The following PCGF3 variants were observed in gnomAD, a reference collection of about 807,000 sequenced individuals.
PCGF3 encodes the protein polycomb group ring finger 3, also known as polycomb group RING finger protein 3.
Under a neutral mutation model 33.1 loss-of-function variants are expected in PCGF3, and 7 were observed. The observed-to-expected ratio is 0.21, with a 90% CI of 0.12 to 0.40. The LOEUF (loss-of-function observed/expected upper bound fraction) is 0.40. PCGF3 is among the 10% of genes least tolerant of loss of function. The pLI, the probability that PCGF3 is intolerant of heterozygous loss-of-function variation, is 1.00. For missense variants in PCGF3, 211 were observed against 313.3 expected (o/e 0.67, Z 2.46); for synonymous variants, 153 against 121.3 (o/e 1.26, Z -1.72).
intron 9 of PCGF3, among the ~76,000 whole-genome samples, chr4:764,323 G>T (rs188047960): frequency 1.2e-3 from 184 of 152,308 alleles, no homozygotes; most frequent in Non-Finnish European, 1.1e-3. Flanking sequence ...GGGGAGCCTA[G>T]TGCATTTTTG....
At chr4:724,090 T>C (rs1743228267) in intron 1 of PCGF3, 1 of 152,320 alleles carries the variant, frequency 6.6e-6, no homozygotes. Flanking sequence ...GTTTGAGAAC[T>C]TCAGGGCCCA....
intron 4 of PCGF3, chr4:734,340 C>T (rs937975083): frequency 1.5e-5 from 21 of 1,437,920 alleles, no homozygotes; most frequent in South Asian, 1.1e-4. Context: ...CTGGTGTGGA[C>T]GACCGCTGTG....
At chr4:705,932 C>T (rs1324030875) in exon 1 of PCGF3, 1 of 152,204 alleles carries the variant, frequency 6.6e-6, no homozygotes, top group Non-Finnish European at 1.5e-5. Flanking sequence ...GGCGCGGACC[C>T]CGCGTGCGCC....
At chr4:752,177 C>G (rs563783690) in intron 8 of PCGF3, among the ~76,000 whole-genome samples, 1 of 152,214 alleles carries the variant, frequency 6.6e-6, no homozygotes, top group African/African-American at 2.4e-5. Context: ...TGGAAACTGG[C>G]GAAGCCGCCT....
chr4:758,156 ACT>A (rs1331127769), intron 8 of PCGF3, among the ~76,000 whole-genome samples: 8 of 113,772 alleles, frequency 7.0e-5, no homozygotes, highest in African/African-American at 1.1e-4. Context: ...ACAGAGGGAG[ACT>A]CTGTCTCAAA....
intron 8 of PCGF3, among the ~76,000 whole-genome samples, chr4:752,552 C>T (rs544705836): frequency 4.0e-5 from 6 of 151,782 alleles, no homozygotes; most frequent in Admixed American, 6.5e-5. Context: ...GGGGACCGGG[C>T]GGGCAAGGGT....
chr4:727,753 G>A (rs992535493), intron 1 of PCGF3, among the ~76,000 whole-genome samples: 10 of 151,230 alleles, frequency 6.6e-5, no homozygotes, highest in Admixed American at 2.6e-4. Context: ...ATGACTAACC[G>A]TTTTCTTTGG....
rs34100269 is a variant in PCGF3 at position 761,398 on chromosome 4, C to T, written c.582C>T (p.Asn194=). Residue 194 remains asparagine, a synonymous_variant, in exon 9 of 11, where the codon AAC becomes AAT. Transcript: ENST00000362003. ...AGAAGTTCATCGCCAAAAAACTCAA[C>T]CTTTCATCCTTTAACGAGGTAACAG... 5,024 of 1,608,522 alleles carry T rather than the reference C, an allele frequency of 3.1e-3. 17 individuals carry two copies. The highest frequency in any genetic ancestry group is 5.8e-3 in the African/African-American group (435 of 74,872).
chr4:743,514 C>A (rs1744184762), exon 7 of PCGF3: 1 of 1,613,460 alleles, frequency 6.2e-7, no homozygotes, highest in Non-Finnish European at 8.5e-7. Context: ...ACAAATTGGG[C>A]ATGGAGGTGC....
chr4:743,716 G>T, intron 7 of PCGF3, 132 bp downstream of exon 7: 4 of 614,556 alleles, frequency 6.5e-6, no homozygotes, highest in Non-Finnish European at 8.8e-6. Context: ...CTGAGGGTGT[G>T]GGGCGGTTAG....
chr4:757,259 G>C (rs1744808595), intron 8 of PCGF3: 1 of 149,374 alleles, frequency 6.7e-6, no homozygotes, highest in African/African-American at 2.5e-5. Flanking sequence ...CTGCTGCCCT[G>C]CGGGCCCCAT....
intron 8 of PCGF3, among the ~76,000 whole-genome samples, chr4:758,348 A>G (rs1477908510): frequency 1.5e-5 from 2 of 135,630 alleles, no homozygotes; most frequent in Non-Finnish European, 3.1e-5. Flanking sequence ...CTCGCTCCGG[A>G]CTCCAGGTCT....
chr4:738,087 G>GCAAGGAGGC (rs1743913326), intron 6 of PCGF3, among the ~76,000 whole-genome samples: 1 of 152,276 alleles, frequency 6.6e-6, no homozygotes, highest in Non-Finnish European at 1.5e-5. Context: ...CTGGCGACCG[G>GCAAGGAGGC]CAAGGAGGCC....
At chr4:728,170 C>T (rs951070521) in intron 1 of PCGF3, among the ~76,000 whole-genome samples, 8 of 152,212 alleles carry the variant, frequency 5.3e-5, no homozygotes, top group Admixed American at 1.3e-4. Context: ...TAATAGTGCA[C>T]GGCCAGCTCC....
chr4:713,439 G>A (rs1380060234), intron 1 of PCGF3, among the ~76,000 whole-genome samples: 2 of 146,464 alleles, frequency 1.4e-5, no homozygotes, highest in African/African-American at 5.1e-5. Flanking sequence ...GTGGCCTCAT[G>A]GGTCTTGTGT....
At chr4:709,972 G>T (rs1742496402) in intron 1 of PCGF3, among the ~76,000 whole-genome samples, 1 of 152,246 alleles carries the variant, frequency 6.6e-6, no homozygotes, top group African/African-American at 2.4e-5. Context: ...AATTGTGGAA[G>T]AGGCTTGTGA....
At chr4:764,693 G>A in intron 9 of PCGF3, 1 of 332,166 alleles carries the variant, frequency 3.0e-6, no homozygotes, top group South Asian at 3.9e-5. Context: ...GCTTGTGCCT[G>A]CGCCTGCACC....
At chr4:762,307 CAG>C (rs1745104836) in intron 9 of PCGF3, 1 of 183,382 alleles carries the variant, frequency 5.5e-6, no homozygotes, top group Admixed American at 6.5e-5. Flanking sequence ...CTGGTGAGGA[CAG>C]AGCAGAGGAC....
intron 1 of PCGF3, among the ~76,000 whole-genome samples, chr4:715,121 G>C (rs1742754510): frequency 6.8e-6 from 1 of 147,886 alleles, no homozygotes; most frequent in Admixed American, 6.8e-5. Context: ...GTGAGAACTG[G>C]GTGTCGGTGC....
Sources: allele counts gnomAD v4.1 joint callset (sites outside exome capture counted in the v4.1 genomes callset), GRCh38; gene constraint gnomAD v4.1.1; transcripts MANE v1.5; gene names NCBI Gene and HGNC (gene_info 2026-07-23, HGNC 2026-07-21).